AUTS2: variants seen among roughly 807,000 people sequenced by gnomAD.
The protein encoded by AUTS2 is autism susceptibility gene 2 protein.
AUTS2 carries 17 observed loss-of-function variants against 112.4 expected under a neutral mutation model. That is an observed-to-expected ratio of 0.15 (90% CI 0.10 to 0.23). AUTS2 has a LOEUF of 0.23. Ranked by LOEUF, AUTS2 falls within the 10% of genes least tolerant of loss-of-function variation. The pLI is 1.00. For missense variants in AUTS2, 1,510 were observed against 1,701.6 expected (o/e 0.89, Z 1.98); for synonymous variants, 751 against 702.7 (o/e 1.07, Z -1.09).
intron 2 of AUTS2, among the ~76,000 whole-genome samples, chr7:69,926,182 T>G (rs1293854449): frequency 1.3e-5 from 2 of 152,220 alleles, no homozygotes; most frequent in Non-Finnish European, 2.9e-5. Flanking sequence ...CAAGTTGGTT[T>G]ATAGTGTTGC....
intron 4 of AUTS2, among the ~76,000 whole-genome samples, chr7:70,361,630 G>T (rs559365927): frequency 6.6e-6 from 1 of 152,248 alleles, no homozygotes; most frequent in East Asian, 1.9e-4. Flanking sequence ...CACCCCAAAA[G>T]TGCTAAATTA....
chr7:69,965,178 AGTT>A (rs1797589656), intron 2 of AUTS2, among the ~76,000 whole-genome samples: 1 of 152,128 alleles, frequency 6.6e-6, no homozygotes, highest in South Asian at 2.1e-4. Flanking sequence ...TTTTGGTGAT[AGTT>A]CCAAATGCTC....
intron 6 of AUTS2, among the ~76,000 whole-genome samples, chr7:70,715,243 C>T (rs576703918): frequency 6.6e-6 from 1 of 152,200 alleles, no homozygotes; most frequent in African/African-American, 2.4e-5. Context: ...ATTTTTCTTA[C>T]AATAAATCTA....
chr7:70,520,626 C>T (rs1236386414), intron 5 of AUTS2, among the ~76,000 whole-genome samples: 1 of 152,170 alleles, frequency 6.6e-6, no homozygotes, highest in Non-Finnish European at 1.5e-5. Context: ...TTAAAAATTT[C>T]CTTCGCAGTA....
intron 4 of AUTS2, among the ~76,000 whole-genome samples, chr7:70,365,861 GCAA>G: frequency 6.6e-6 from 1 of 152,300 alleles, no homozygotes; most frequent in East Asian, 1.9e-4. Context: ...GTCTTCCAGG[GCAA>G]CCTGGAAAGG....
intron 2 of AUTS2, among the ~76,000 whole-genome samples, chr7:70,029,404 G>A (rs1800673500): frequency 2.0e-5 from 3 of 151,450 alleles, no homozygotes; most frequent in South Asian, 4.2e-4. Flanking sequence ...GATTTCAGAT[G>A]TTCACCTGTT....
intron 1 of AUTS2, among the ~76,000 whole-genome samples, chr7:69,876,770 A>G (rs193195626): frequency 6.6e-6 from 1 of 151,904 alleles, no homozygotes; most frequent in East Asian, 1.9e-4. Flanking sequence ...ACATTGACCT[A>G]GTAGTATTAA....
chr7:69,811,822 G>A (rs1249047198), intron 1 of AUTS2, among the ~76,000 whole-genome samples: 2 of 152,128 alleles, frequency 1.3e-5, no homozygotes, highest in Non-Finnish European at 2.9e-5. Context: ...AGTCATTTCT[G>A]TGTGTTTTCC....
At chr7:70,413,549 G>T (rs17141576) in intron 4 of AUTS2, among the ~76,000 whole-genome samples, 10,552 of 152,218 alleles carry the variant, frequency 0.069, 435 homozygotes, top group East Asian at 0.14. Flanking sequence ...TCCCTGGGGG[G>T]TTATCCTGAG....
At chr7:70,677,808 G>T (rs1302108578) in intron 5 of AUTS2, among the ~76,000 whole-genome samples, 3 of 152,048 alleles carry the variant, frequency 2.0e-5, no homozygotes, top group African/African-American at 7.2e-5. Flanking sequence ...TTCTGGCCAG[G>T]CGCGGTGGCT....
intron 4 of AUTS2, chr7:70,293,753 T>A (rs1282522101): frequency 6.6e-6 from 1 of 152,244 alleles, no homozygotes; most frequent in African/African-American, 2.4e-5. Context: ...TGCCGTACCC[T>A]TAGTGCACTG....
chr7:70,081,387 TAAA>T (rs57155688), intron 2 of AUTS2, among the ~76,000 whole-genome samples: 18 of 88,920 alleles, frequency 2.0e-4, no homozygotes, highest in African/African-American at 6.4e-4. Flanking sequence ...CCCGTCTCTA[TAAA>T]AAAAAAAAAA....
At chr7:70,316,558 T>G (rs2129616905) in intron 4 of AUTS2, among the ~76,000 whole-genome samples, 1 of 151,954 alleles carries the variant, frequency 6.6e-6, no homozygotes, top group East Asian at 1.9e-4. Context: ...CCACCACATC[T>G]GGTTAAATTT....
chr7:70,267,379 C>T (rs1366169696), intron 4 of AUTS2, among the ~76,000 whole-genome samples: 4 of 151,794 alleles, frequency 2.6e-5, no homozygotes. Flanking sequence ...TGAATGCTGA[C>T]ACCAGATGCA....
At chr7:70,343,736 G>T (rs1791376636) in intron 4 of AUTS2, among the ~76,000 whole-genome samples, 1 of 152,134 alleles carries the variant, frequency 6.6e-6, no homozygotes, top group South Asian at 2.1e-4. Flanking sequence ...GGGCATTTGT[G>T]AAGGGGATTA....
At chr7:70,195,570 G>A (rs559847483) in intron 4 of AUTS2, among the ~76,000 whole-genome samples, 188 of 152,260 alleles carry the variant, frequency 1.2e-3, no homozygotes, top group Non-Finnish European at 2.2e-3. Context: ...AAAATCGCTT[G>A]AACTTGGGAG....
At chr7:69,772,231 G>T (rs1788699100) in intron 1 of AUTS2, among the ~76,000 whole-genome samples, 1 of 152,196 alleles carries the variant, frequency 6.6e-6, no homozygotes, top group Non-Finnish European at 1.5e-5. Flanking sequence ...AGCCTGAAGT[G>T]TACACAACTG....
In AUTS2 at chr7:70,619,967, C is replaced by CAG. The variant is rs377081858; in HGVS notation, c.691-78599_691-78598dup. ...GCTGGACAGCAGCTAAGACAAGAGG[C>CAG]AGAGGCCTTGTGCACAGTCCTGTTG... On this transcript the variant is annotated intron_variant, in intron 5 of 18. Transcript: ENST00000342771. 1.1e-3 allele frequency among the ~76,000 whole-genome samples: 163 copies of CAG among 152,296 alleles called. 2 individuals are homozygous for CAG. Among genetic ancestry groups the CAG allele is most frequent in the African/African-American group, 3.7e-3 (154 of 41,568 alleles).
chr7:70,644,858 G>A (rs970961663), intron 5 of AUTS2, among the ~76,000 whole-genome samples: 1 of 152,116 alleles, frequency 6.6e-6, no homozygotes, highest in Non-Finnish European at 1.5e-5. Flanking sequence ...CAGCAAATGC[G>A]TAGTAGACCT....
Sources: gnomAD v4.1 joint callset for allele counts (sites outside exome capture counted in the v4.1 genomes callset) on GRCh38, gnomAD v4.1.1 for gene constraint, MANE v1.5 for transcripts, NCBI Gene and HGNC (gene_info 2026-07-23, HGNC 2026-07-21) for gene names.